PDE1C: variants seen among roughly 807,000 people sequenced by gnomAD.
The protein encoded by PDE1C is dual specificity calcium/calmodulin-dependent 3',5'-cyclic nucleotide phosphodiesterase 1C.
Under a neutral mutation model 93.1 loss-of-function variants are expected in PDE1C, and 62 were observed. That is an observed-to-expected ratio of 0.67 (90% CI 0.54 to 0.82). The LOEUF is 0.82. Ranked by LOEUF, PDE1C falls within the 40% of genes least tolerant of loss-of-function variation. The pLI is 0.00. For synonymous variants in PDE1C, 325 were observed against 310.1 expected, an observed-to-expected ratio of 1.05 and a Z score of -0.50; for missense variants, 742 against 884.6, an observed-to-expected ratio of 0.84 and a Z score of 2.04.
At position 32,374,271 on chromosome 7, in the gene PDE1C, G is replaced by GAAAGAAAA. The variant is rs1554314024; in HGVS notation, c.310+53550_310+53551insTTTTCTTT. On this transcript the variant is annotated intron_variant, in intron 1 of 1. Coordinates refer to the PDE1C transcript ENST00000672256. ...GAAAGGAAAGGAAGAAAGAAAGAAA[G>GAAAGAAAA]AAAGAAAGAAAGAAAGAAAGAAAGA... Among the ~76,000 whole-genome samples, 8 of 143,434 alleles carry GAAAGAAAA rather than the reference G, an allele frequency of 5.6e-5. No homozygotes were observed. The South Asian group carries it at 1.5e-3, about 27-fold the overall frequency. 94.1% of individuals were successfully genotyped at this position (143,434 alleles called of 152,430 possible). A position where few individuals can be genotyped will look rare whatever the true frequency, so the allele number is the denominator to read the frequency against.
At chr7:32,280,508 AAATT>A (rs201485144) in intron 1 of PDE1C, among the ~76,000 whole-genome samples, 1 of 152,348 alleles carries the variant, frequency 6.6e-6, no homozygotes, top group East Asian at 1.9e-4. Flanking sequence ...CAACATAATT[AAATT>A]AATTTAATAA....
At chr7:32,105,701 C>CTTTTT (rs11313586) in intron 3 of PDE1C, among the ~76,000 whole-genome samples, 1 of 134,028 alleles carries the variant, frequency 7.5e-6, no homozygotes. Flanking sequence ...CCACATCTGA[C>CTTTTT]TTTTTTTTTT....
At chr7:31,674,629 A>C in the PDE1C span, among the ~76,000 whole-genome samples, 1 of 152,220 alleles carries the variant, frequency 6.6e-6, no homozygotes, top group Non-Finnish European at 1.5e-5. Context: ...ACGTATGCAG[A>C]AACTTTACTT....
intron 16 of PDE1C, among the ~76,000 whole-genome samples, chr7:31,806,900 A>G (rs1331347121): frequency 1.3e-5 from 2 of 151,948 alleles, no homozygotes; most frequent in Admixed American, 6.6e-5. Flanking sequence ...TTTTTTCTAC[A>G]TAGTTTTAAA....
intron 2 of PDE1C, among the ~76,000 whole-genome samples, chr7:32,029,965 A>C (rs559622790): frequency 9.2e-5 from 14 of 152,186 alleles, no homozygotes; most frequent in African/African-American, 3.4e-4. Context: ...ATTAACCGTG[A>C]TTTAGCCATA....
intron 2 of PDE1C, among the ~76,000 whole-genome samples, chr7:32,029,949 A>T (rs1790074221): frequency 6.6e-6 from 1 of 152,126 alleles, no homozygotes; most frequent in Non-Finnish European, 1.5e-5. Flanking sequence ...TTAAGAGAAC[A>T]TCCCAATTAA....
intron 2 of PDE1C, among the ~76,000 whole-genome samples, chr7:31,949,103 T>C (rs1480691862): frequency 1.3e-5 from 2 of 152,088 alleles, no homozygotes; most frequent in Admixed American, 6.6e-5. Context: ...TGGGGTCTTT[T>C]AGACTGATGA....
chr7:31,854,912 C>T (rs2128810824), intron 7 of PDE1C, among the ~76,000 whole-genome samples: 1 of 151,842 alleles, frequency 6.6e-6, no homozygotes, highest in South Asian at 2.1e-4. Context: ...ACTGAAAATA[C>T]AAAAATCAGC....
chr7:32,052,374 G>C lies in PDE1C; in HGVS notation c.102-794C>G, dbSNP rs1793507996. The C allele has an allele frequency of 6.5e-6, 3 of 462,598 alleles. No individual in the cohort carries two copies. The Admixed American group carries it at 7.0e-5, about 11-fold the overall frequency. The allele number at this position is 462,598 out of a possible 1,614,324, so 28.7% of individuals were successfully genotyped here. A position where few individuals can be genotyped will look rare whatever the true frequency, so the allele number is the denominator to read the frequency against. ...TGACCATCTCACCTAGGTCAGAGTGGCAGACAAGGAGAAAATGGCCATAAA... is the reference window on the plus strand; with the variant it reads ...TGACCATCTCACCTAGGTCAGAGTGCCAGACAAGGAGAAAATGGCCATAAA... On this transcript the variant is annotated intron_variant, in intron 1 of 17. Transcript: ENST00000396191.
intron 3 of PDE1C, among the ~76,000 whole-genome samples, chr7:32,119,121 C>T (rs1322719021): frequency 6.6e-6 from 1 of 152,078 alleles, no homozygotes; most frequent in Non-Finnish European, 1.5e-5. Flanking sequence ...GAATCCCTGC[C>T]GTTCACATCA....
the PDE1C span, among the ~76,000 whole-genome samples, chr7:31,682,358 A>G: frequency 2.9e-4 from 44 of 152,360 alleles, no homozygotes; most frequent in South Asian, 4.1e-3. Context: ...CAGATGGCAA[A>G]TAAGTATATG....
At chr7:32,112,872 A>C (rs970825801) in intron 3 of PDE1C, among the ~76,000 whole-genome samples, 16 of 138,576 alleles carry the variant, frequency 1.2e-4, no homozygotes, top group East Asian at 2.1e-4. Context: ...ATATATATAT[A>C]TCTCAAACTC....
chr7:32,169,860 C>A lies in PDE1C; in HGVS notation c.233G>T (p.Arg78Leu). The change falls in exon 3 of 19, where the codon CGA becomes CTA. Residue 78 changes from arginine to leucine, a missense_variant. Coordinates refer to the PDE1C transcript ENST00000396193. Reference sequence around the variant, plus strand: ...ATCAGCTAGGATCTCCTCTGGGGGTCGAGGGTCATGGACAATTGTTGGCCT... The same window carrying A: ...ATCAGCTAGGATCTCCTCTGGGGGTAGAGGGTCATGGACAATTGTTGGCCT... The A allele has an allele frequency of 6.2e-7, 1 of 1,612,476 alleles. No homozygotes were observed. Among genetic ancestry groups the A allele is most frequent in the East Asian group, 2.2e-5 (1 of 44,852 alleles).
At chr7:31,643,401 G>A in the PDE1C span, 1 of 1,613,978 alleles carries the variant, frequency 6.2e-7, no homozygotes, top group Non-Finnish European at 8.5e-7. Flanking sequence ...CTGCCCAGGT[G>A]AAGTCAAGGT....
At position 31,952,438 on chromosome 7, in the gene PDE1C, C is replaced by T. The variant is rs574833522; in HGVS notation, c.129-71578G>A. Among the ~76,000 whole-genome samples, 171 of 152,154 alleles carry T rather than the reference C, an allele frequency of 1.1e-3. 3 individuals carry two copies. The East Asian group carries it at 0.026, about 23-fold the overall frequency. ...CTAATTTTTGTATTTTTAGTAGAGA[C>T]AGGATTTCACCATGTTGCCCAGGCT... On this transcript the variant is annotated intron_variant, in intron 2 of 17. Coordinates refer to ENST00000396191, the MANE Select transcript of PDE1C (RefSeq NM_001191057.4).
At chr7:31,704,272 G>A in the PDE1C span, among the ~76,000 whole-genome samples, 12 of 152,174 alleles carry the variant, frequency 7.9e-5, no homozygotes, top group East Asian at 3.9e-4. Flanking sequence ...ATCAGAAGAC[G>A]TGGTGTCCTA....
At chr7:31,943,570 G>C in intron 2 of PDE1C, among the ~76,000 whole-genome samples, 1 of 152,142 alleles carries the variant, frequency 6.6e-6, no homozygotes. Flanking sequence ...CAAAGATTAA[G>C]GTGGAAGCAA....
chr7:32,065,089 A>C (rs1343025955), intron 1 of PDE1C, among the ~76,000 whole-genome samples: 1 of 133,614 alleles, frequency 7.5e-6, no homozygotes, highest in Non-Finnish European at 1.6e-5. Context: ...AGTGAGGGGG[A>C]GGTGGTGAGA....
intron 15 of PDE1C, among the ~76,000 whole-genome samples, chr7:31,814,178 G>C (rs1787928994): frequency 6.6e-6 from 1 of 152,022 alleles, no homozygotes; most frequent in South Asian, 2.1e-4. Context: ...ATAGTGAATT[G>C]TGCTGCTATA....
Sources: gnomAD v4.1 joint callset for allele counts (sites outside exome capture counted in the v4.1 genomes callset) on GRCh38, gnomAD v4.1.1 for gene constraint, MANE v1.5 for transcripts, NCBI Gene and HGNC (gene_info 2026-07-23, HGNC 2026-07-21) for gene names.